The following ZNF462 variants were observed in gnomAD, a reference collection of about 807,000 sequenced individuals.
The protein encoded by ZNF462 is zinc finger PBX1-interacting protein.
A neutral mutation model predicts 201.9 loss-of-function variants in ZNF462; 10 were observed. The ratio of observed to expected loss-of-function variants is 0.05; its 90% CI spans 0.03 to 0.08. The LOEUF (loss-of-function observed/expected upper bound fraction) is 0.08. Ranked by LOEUF, ZNF462 falls within the 10% of genes least tolerant of loss-of-function variation. ZNF462 has a pLI of 1.00. For synonymous variants in ZNF462, 1,227 were observed against 1,193.3 expected, an observed-to-expected ratio of 1.03 and a Z score of -0.58; for missense variants, 2,523 against 3,168.3, an observed-to-expected ratio of 0.80 and a Z score of 4.89.
chr9:106,939,065 T>G lies in ZNF462; in HGVS notation c.6385T>G (p.Ser2129Ala). ...SLLSSHSHHS[S>A]QKATPAEEVE... ...CCTCTCCTCACACTCCCACCACTCC[T>G]CCCAAAAAGCTACCCCGGCTGAAGA... The change falls in exon 7 of 13, where the codon TCC (serine) becomes GCC (alanine). Residue 2129 changes from serine (S) to alanine (A), a missense_variant. By Grantham distance (99) the Ser-to-Ala change is moderately conservative. Around this residue, in one of 15 missense-constraint regions of ZNF462, gnomAD observed 138 missense variants for 146.3 expected, o/e 0.94. Coordinates refer to ENST00000277225, the MANE Select transcript of ZNF462 (RefSeq NM_021224.6). 1 of 1,611,298 alleles carries G rather than the reference T, an allele frequency of 6.2e-7. No individual in the cohort carries two copies. Among genetic ancestry groups the G allele is most frequent in the South Asian group, 1.1e-5 (1 of 90,618 alleles).
At chr9:106,909,953 G>A (rs963334770) in intron 1 of ZNF462, among the ~76,000 whole-genome samples, 6 of 151,970 alleles carry the variant, frequency 3.9e-5, no homozygotes, top group African/African-American at 7.3e-5. Context: ...CTACTTCTAC[G>A]AAACCTTTTA....
rs1202732035 is a variant in ZNF462, at chr9:107,006,655, T to G, written c.7190-2890T>G. On this transcript the variant is annotated intron_variant, in intron 11 of 12. Transcript: ENST00000277225. The surrounding 1 kb of genome is among the most constrained non-coding windows in gnomAD (Gnocchi z 4.3). ...TCCCTCCAAGGTGTTCCCTGTTCCT[T>G]TTCCTGACTTGCACTCACCCTCCTA... Among the ~76,000 whole-genome samples the G allele has an allele frequency of 6.6e-6, 1 of 152,090 alleles. No individual in the cohort carries two copies. Among genetic ancestry groups the G allele is most frequent in the African/African-American group, 2.4e-5 (1 of 41,418 alleles).
Position 106,954,236 on chromosome 9 carries a change from A to G in ZNF462, c.6427+15129A>G, listed in dbSNP as rs1177833232. 6.6e-6 allele frequency among the ~76,000 whole-genome samples: 1 copy of G among 152,148 alleles called. No individual in the cohort carries two copies. Among genetic ancestry groups the G allele is most frequent in the Non-Finnish European group, 1.5e-5 (1 of 68,022 alleles). On this transcript the variant is annotated intron_variant, in intron 7 of 12. Transcript: ENST00000277225. This position sits in a 1 kb window ranked among gnomAD's most constrained non-coding sequence, Gnocchi z 4.0. ...GGTTCTACATGGCTAGGGAGGCCTCAGGAAACTTATAATCAAGGTGGAAGG... is the reference window on the plus strand; with the variant it reads ...GGTTCTACATGGCTAGGGAGGCCTCGGGAAACTTATAATCAAGGTGGAAGG...
At chr9:106,995,596 AC>A (rs1277860407) in intron 10 of ZNF462, 1 of 152,148 alleles carries the variant, frequency 6.6e-6, no homozygotes, top group African/African-American at 2.4e-5. Context: ...TGGCTTCATC[AC>A]CTACCTGTTT....
intron 1 of ZNF462, among the ~76,000 whole-genome samples, chr9:106,899,104 TAATA>T (rs1828937014): frequency 6.6e-6 from 1 of 151,942 alleles, no homozygotes; most frequent in South Asian, 2.1e-4. Context: ...TTCATGTAGC[TAATA>T]AATCATAGAG....
Position 106,974,409 on chromosome 9 carries a change from T to A in ZNF462, c.6832+136T>A. ...CTTATCTTCAGGCAAGAAACCACAG[T>A]GATAACCACAGTGACAGCCAAAAGG... On this transcript the variant is annotated intron_variant, in intron 9 of 12. Transcript: ENST00000277225. The surrounding 1 kb of genome is among the most constrained non-coding windows in gnomAD (Gnocchi z 4.0). 1.5e-6 allele frequency: 2 copies of A among 1,371,430 alleles called. No homozygotes were observed. The highest frequency in any genetic ancestry group is 2.1e-6 in the Non-Finnish European group (2 of 962,308). The allele number at this position is 1,371,430 out of a possible 1,614,324, so 85.0% of individuals were successfully genotyped here. A position where few individuals can be genotyped will look rare whatever the true frequency, so the allele number is the denominator to read the frequency against.
rs773881436 is a variant in ZNF462, at chr9:106,928,700, C to T, written c.4788C>T (p.Tyr1596=). 36 of 1,614,036 alleles carry T rather than the reference C, an allele frequency of 2.2e-5. No homozygotes were observed. The highest frequency in any genetic ancestry group is 1.0e-4 in the Admixed American group (6 of 60,008). ...HGTLEKLKIH[Y]EKYHNQPEFD... is the part of the protein sequence containing the mutation. Reference sequence around the variant, plus strand: ...CTTTGGAGAAACTAAAAATCCACTACGAGAAGTATCACAATCAGCCTGAAT... The same window carrying T: ...CTTTGGAGAAACTAAAAATCCACTATGAGAAGTATCACAATCAGCCTGAAT... The change falls in exon 3 of 13, where the codon TAC becomes TAT. Residue 1596 remains tyrosine (Y), a synonymous_variant. Coordinates refer to ENST00000277225, the MANE Select transcript of ZNF462 (RefSeq NM_021224.6). The surrounding 1 kb of genome is among the most constrained non-coding windows in gnomAD (Gnocchi z 9.3).
upstream of ZNF462, among the ~76,000 whole-genome samples, chr9:106,862,395 G>C (rs1003686980): frequency 2.6e-5 from 4 of 152,080 alleles, no homozygotes; most frequent in Admixed American, 6.5e-5. The surrounding 1 kb of genome is among the most constrained non-coding windows in gnomAD (Gnocchi z 4.2). Context: ...GGTCCTCACC[G>C]GGGGCTTCCT....
At chr9:106,943,565 C>G (rs1053707220) in intron 7 of ZNF462, among the ~76,000 whole-genome samples, 1 of 152,162 alleles carries the variant, frequency 6.6e-6, no homozygotes, top group African/African-American at 2.4e-5. Flanking sequence ...AGGTGGATTT[C>G]TTTCCTGTCT....
intron 6 of ZNF462, among the ~76,000 whole-genome samples, chr9:106,936,963 C>G (rs561753321): frequency 6.6e-6 from 1 of 152,268 alleles, no homozygotes; most frequent in African/African-American, 2.4e-5. Flanking sequence ...TAATTCAGTT[C>G]TTGACATACC....
intron 1 of ZNF462, among the ~76,000 whole-genome samples, chr9:106,882,710 A>C (rs1828151799): frequency 2.0e-5 from 3 of 152,212 alleles, no homozygotes; most frequent in African/African-American, 7.2e-5. Context: ...GAAAAATTCA[A>C]ACTCGAATAT....
At position 107,010,078 on chromosome 9, in the gene ZNF462, C is replaced by T. The variant is rs768854501; in HGVS notation, c.7313+410C>T. On this transcript the variant is annotated intron_variant, in intron 12 of 12. Transcript: ENST00000277225. The surrounding 1 kb of genome is among the most constrained non-coding windows in gnomAD (Gnocchi z 4.6). ...CCCTGAACATTCCCATGTACTGCCT[C>T]GGGGACAGAGCCAGCTTCTGCCTGC... Among the ~76,000 whole-genome samples, 1 of 152,104 alleles carries T rather than the reference C, an allele frequency of 6.6e-6. No homozygotes were observed. The highest frequency in any genetic ancestry group is 1.5e-5 in the Non-Finnish European group (1 of 68,014).
In ZNF462 at chr9:106,933,753, T is replaced by C. The variant is rs1830516073; in HGVS notation, c.6116+1204T>C. On this transcript the variant is annotated intron_variant, in intron 5 of 12. Coordinates refer to ENST00000277225, the MANE Select transcript of ZNF462 (RefSeq NM_021224.6). This position sits in a 1 kb window ranked among gnomAD's most constrained non-coding sequence, Gnocchi z 4.3. ...AAATGTTACATCAGCTTTGGAAGAG[T>C]CAGGAAGGTTTTATGGCATAAGGAG... Among the ~76,000 whole-genome samples, 1 of 151,786 alleles carries C rather than the reference T, an allele frequency of 6.6e-6. No individual in the cohort carries two copies. Among genetic ancestry groups the C allele is most frequent in the South Asian group, 2.1e-4 (1 of 4,810 alleles).
chr9:106,954,649 A>C lies in ZNF462; in HGVS notation c.6427+15542A>C, dbSNP rs1390788310. On this transcript the variant is annotated intron_variant, in intron 7 of 12. Transcript: ENST00000277225. The surrounding 1 kb of genome is among the most constrained non-coding windows in gnomAD (Gnocchi z 4.0). ...TCTCCTCATCCTTTTGCCTTTGTTC[A>C]TGTTATGTCCCCTTTCCTTCATCTC... Among the ~76,000 whole-genome samples the C allele has an allele frequency of 1.3e-5, 2 of 151,882 alleles. No individual in the cohort carries two copies. Among genetic ancestry groups the C allele is most frequent in the Admixed American group, 6.6e-5 (1 of 15,240 alleles).
In ZNF462 at chr9:106,890,344, C is replaced by G. The variant is rs1828521057; in HGVS notation, c.-31+26989C>G. ...ACATGCAGTGCCCCTTCCGGGAACA[C>G]TGGTGATCTTCTGGTCTCTTGGTTT... On this transcript the variant is annotated intron_variant, in intron 1 of 12. Coordinates refer to ENST00000277225, the MANE Select transcript of ZNF462 (RefSeq NM_021224.6). The surrounding 1 kb of genome is among the most constrained non-coding windows in gnomAD (Gnocchi z 4.2). 6.6e-6 allele frequency among the ~76,000 whole-genome samples: 1 copy of G among 152,192 alleles called. No individual in the cohort carries two copies. Among genetic ancestry groups the G allele is most frequent in the Non-Finnish European group, 1.5e-5 (1 of 68,044 alleles).
intron 10 of ZNF462, among the ~76,000 whole-genome samples, chr9:106,999,630 T>C (rs576459708): frequency 2.6e-5 from 4 of 152,272 alleles, no homozygotes; most frequent in African/African-American, 9.6e-5. Context: ...GATATACACT[T>C]GTTTGTTTTA....
At position 106,924,159 on chromosome 9, in the gene ZNF462, G is replaced by A. The variant is rs551654970; in HGVS notation, c.247G>A (p.Gly83Arg). Residue 83 changes from glycine to arginine, a missense_variant, in exon 3 of 13, where the codon GGA (glycine) becomes AGA (arginine). Physicochemically the swap from Gly to Arg is moderately radical, Grantham distance 125. Transcript: ENST00000277225. The surrounding 1 kb of genome is among the most constrained non-coding windows in gnomAD (Gnocchi z 6.2). ...SGQNATSLGT[G>R]GYYGHSPGYY... is the part of the protein sequence containing the mutation. Reference sequence around the variant, plus strand: ...TCAAAATGCAACTTCATTGGGGACCGGAGGTTACTATGGCCACAGTCCAGG... The same window carrying A: ...TCAAAATGCAACTTCATTGGGGACCAGAGGTTACTATGGCCACAGTCCAGG... The A allele has an allele frequency of 1.8e-5, 29 of 1,608,034 alleles. No homozygotes were observed. The highest frequency in any genetic ancestry group is 5.6e-5 in the South Asian group (5 of 89,130).
chr9:106,889,907 A>T (rs1828501195), intron 1 of ZNF462, among the ~76,000 whole-genome samples: 1 of 152,182 alleles, frequency 6.6e-6, no homozygotes, highest in Non-Finnish European at 1.5e-5. Context: ...CTTTCTTGTT[A>T]TCCATTCTTT....
chr9:106,864,613 T>C (rs1827249085), intron 1 of ZNF462, among the ~76,000 whole-genome samples: 1 of 152,116 alleles, frequency 6.6e-6, no homozygotes, highest in Admixed American at 6.5e-5. Context: ...CGTTTTCTTT[T>C]CATTGTGGCT....
Sources: allele counts gnomAD v4.1 joint callset (sites outside exome capture counted in the v4.1 genomes callset), GRCh38; gene constraint gnomAD v4.1.1; regional missense constraint gnomAD v4.1.1; non-coding constraint Gnocchi (gnomAD v3.1); transcripts MANE v1.5; gene names NCBI Gene and HGNC (gene_info 2026-07-23, HGNC 2026-07-21).